Variants in ANKS1B observed in about 807,000 individuals in gnomAD.
ANKS1B encodes the protein ankyrin repeat and sterile alpha motif domain containing 1B.
ANKS1B carries 36 observed loss-of-function variants against 148.3 expected under a neutral mutation model. That is an observed-to-expected ratio of 0.24 (90% CI 0.19 to 0.32). ANKS1B has a LOEUF of 0.32. Among genes scored for constraint, ANKS1B ranks in the 10% least tolerant of loss-of-function variants. ANKS1B has a pLI of 1.00. For missense variants in ANKS1B, 1,157 were observed against 1,542.6 expected (o/e 0.75, Z 4.19); for synonymous variants, 542 against 560.8 (o/e 0.97, Z 0.47).
intron 15 of ANKS1B, among the ~76,000 whole-genome samples, chr12:99,151,912 C>A (rs777615426): frequency 1.1e-4 from 16 of 152,108 alleles, no homozygotes; most frequent in Admixed American, 2.0e-4. Flanking sequence ...ATAAGACATG[C>A]ACTACATCAT....
At chr12:99,260,552 C>G (rs927336996) in intron 12 of ANKS1B, among the ~76,000 whole-genome samples, 1 of 151,980 alleles carries the variant, frequency 6.6e-6, no homozygotes, top group Non-Finnish European at 1.5e-5. Context: ...TATACAGAAA[C>G]GTTAAAGATA....
Position 99,968,176 on chromosome 12 carries a change from T to C in ANKS1B, c.134+15928A>G, listed in dbSNP as rs553557150. Among the ~76,000 whole-genome samples, 33 of 152,252 alleles carry C rather than the reference T, an allele frequency of 2.2e-4. 2 individuals are homozygous for C. The South Asian group carries it at 6.8e-3, about 32-fold the overall frequency. ...CCAGTTTTCCTACACAGCCTAACAC[T>C]AGAGTTGACAAAAGTCCCTGAATTA... On this transcript the variant is annotated intron_variant, in intron 1 of 26. Coordinates refer to ENST00000683438, the MANE Select transcript of ANKS1B (RefSeq NM_001352186.2).
intron 12 of ANKS1B, among the ~76,000 whole-genome samples, chr12:99,259,968 C>T (rs886567674): frequency 5.3e-5 from 8 of 152,126 alleles, no homozygotes; most frequent in Non-Finnish European, 1.2e-4. Context: ...ACATCAGAAC[C>T]AAGAGGTTTT....
chr12:98,768,067 T>C (rs990246132), intron 25 of ANKS1B, among the ~76,000 whole-genome samples: 4 of 152,196 alleles, frequency 2.6e-5, no homozygotes, highest in Admixed American at 2.6e-4. Context: ...CCCCAAGTTC[T>C]CACTGCCCAG....
chr12:99,880,055 C>T (rs2092379421), intron 1 of ANKS1B, among the ~76,000 whole-genome samples: 1 of 152,174 alleles, frequency 6.6e-6, no homozygotes, highest in Non-Finnish European at 1.5e-5. Flanking sequence ...ATCTTGCACA[C>T]ATTCTGTTTA....
chr12:99,545,731 G>A (rs2097166812), intron 9 of ANKS1B, among the ~76,000 whole-genome samples: 3 of 148,814 alleles, frequency 2.0e-5, no homozygotes, highest in South Asian at 4.2e-4. Context: ...TGTACCTTTT[G>A]CAATATATAT....
intron 8 of ANKS1B, among the ~76,000 whole-genome samples, chr12:99,756,910 C>G (rs2153601970): frequency 6.6e-6 from 1 of 152,168 alleles, no homozygotes; most frequent in Non-Finnish European, 1.5e-5. Flanking sequence ...AAAACTGAAA[C>G]TGTACCCCTT....
At chr12:99,057,942 T>C (rs1204177254) in intron 16 of ANKS1B, among the ~76,000 whole-genome samples, 1 of 152,196 alleles carries the variant, frequency 6.6e-6, no homozygotes, top group East Asian at 1.9e-4. Context: ...CAGATGAAGT[T>C]AGCTGAAGCA....
chr12:99,393,936 C>A (rs542456073), intron 12 of ANKS1B, among the ~76,000 whole-genome samples: 1 of 152,280 alleles, frequency 6.6e-6, no homozygotes, highest in East Asian at 1.9e-4. Context: ...AAAACCACAA[C>A]CTATGTAAAA....
chr12:99,237,927 G>A (rs145402069), intron 14 of ANKS1B, among the ~76,000 whole-genome samples: 4 of 152,146 alleles, frequency 2.6e-5, no homozygotes, highest in African/African-American at 9.7e-5. Flanking sequence ...AACTTCACTG[G>A]TGTCCAAGGT....
At chr12:99,128,350 C>T (rs1159251387) in intron 15 of ANKS1B, among the ~76,000 whole-genome samples, 1 of 152,206 alleles carries the variant, frequency 6.6e-6, no homozygotes, top group African/African-American at 2.4e-5. Context: ...TATGAAAAGA[C>T]AGTATTGCTA....
chr12:99,428,330 C>G (rs1316748424), intron 11 of ANKS1B, among the ~76,000 whole-genome samples: 1 of 152,012 alleles, frequency 6.6e-6, no homozygotes. Context: ...ATGCCCTGAG[C>G]AGGAGGTGTC....
At chr12:98,864,891 T>C (rs1486523609) in intron 17 of ANKS1B, among the ~76,000 whole-genome samples, 1 of 152,162 alleles carries the variant, frequency 6.6e-6, no homozygotes, top group African/African-American at 2.4e-5. Flanking sequence ...ATCCCTGCCA[T>C]TTATCCCATT....
intron 14 of ANKS1B, among the ~76,000 whole-genome samples, chr12:99,171,323 C>T (rs1177264673): frequency 1.3e-5 from 2 of 152,154 alleles, no homozygotes; most frequent in Admixed American, 6.6e-5. Context: ...AACAATGCTT[C>T]CTCCTGATAA....
At chr12:99,339,969 C>T (rs1010583699) in intron 12 of ANKS1B, among the ~76,000 whole-genome samples, 1 of 152,032 alleles carries the variant, frequency 6.6e-6, no homozygotes, top group Non-Finnish European at 1.5e-5. Flanking sequence ...TTGAACTTGG[C>T]CCTGTCTTTT....
intron 9 of ANKS1B, among the ~76,000 whole-genome samples, chr12:99,511,140 T>C (rs2096761696): frequency 6.6e-6 from 1 of 152,022 alleles, no homozygotes; most frequent in Non-Finnish European, 1.5e-5. Flanking sequence ...GCCCATTCAG[T>C]ATGATGTTGG....
intron 14 of ANKS1B, among the ~76,000 whole-genome samples, chr12:99,227,109 TGGG>T (rs1206261642): frequency 3.9e-5 from 6 of 152,150 alleles, no homozygotes; most frequent in Non-Finnish European, 8.8e-5. Context: ...GTGTTGGAGG[TGGG>T]GCCTGGTGGG....
intron 17 of ANKS1B, among the ~76,000 whole-genome samples, chr12:99,035,085 A>C (rs2099954688): frequency 6.6e-6 from 1 of 152,012 alleles, no homozygotes. Context: ...TCAGAAGCAA[A>C]AGTTTTTCTC....
intron 12 of ANKS1B, among the ~76,000 whole-genome samples, chr12:99,351,670 G>C (rs551294168): frequency 6.6e-6 from 1 of 151,866 alleles, no homozygotes; most frequent in African/African-American, 2.4e-5. Flanking sequence ...GAGCAATCAC[G>C]GTATATGACA....
Sources: allele counts gnomAD v4.1 joint callset (sites outside exome capture counted in the v4.1 genomes callset), GRCh38; gene constraint gnomAD v4.1.1; transcripts MANE v1.5; gene names NCBI Gene and HGNC (gene_info 2026-07-23, HGNC 2026-07-21).